The following ABCA13 variants were observed in gnomAD, a reference collection of about 807,000 sequenced individuals.
ABCA13 encodes the protein ATP-binding cassette sub-family A member 13.
ABCA13 carries 476 observed loss-of-function variants against 478.7 expected under a neutral mutation model. That is an observed-to-expected ratio of 0.99 (90% CI 0.92 to 1.07). The LOEUF is 1.07. ABCA13 is among the 50% of genes least tolerant of loss of function. The probability of loss-of-function intolerance (pLI) is 0.00; values close to 1 mark genes in which losing one functional copy is unlikely to be tolerated. For synonymous variants in ABCA13, 2,252 were observed against 2,158.9 expected (o/e 1.04, Z -1.20); for missense variants, 6,060 against 5,910.6 (o/e 1.03, Z -0.83).
chr7:48,602,615 C>G (rs541393382), intron 58 of ABCA13, among the ~76,000 whole-genome samples: 1 of 152,144 alleles, frequency 6.6e-6, no homozygotes, highest in Non-Finnish European at 1.5e-5. Flanking sequence ...CATGCTGTTT[C>G]TGTTACCATA....
chr7:48,183,987 T>C (rs1267553664), intron 1 of ABCA13, among the ~76,000 whole-genome samples: 3 of 152,244 alleles, frequency 2.0e-5, no homozygotes, highest in South Asian at 4.1e-4. Flanking sequence ...AGAATTAATA[T>C]GGTTCAATTT....
At chr7:48,259,348 A>G (rs547536680) in intron 15 of ABCA13, among the ~76,000 whole-genome samples, 2 of 152,210 alleles carry the variant, frequency 1.3e-5, no homozygotes, top group African/African-American at 2.4e-5. Context: ...CTTTACCATT[A>G]TGTAATGCCC....
chr7:48,556,900 T>A (rs1785891985), intron 55 of ABCA13, among the ~76,000 whole-genome samples: 1 of 152,024 alleles, frequency 6.6e-6, no homozygotes, highest in Non-Finnish European at 1.5e-5. Context: ...TTATTGAAGA[T>A]GATTTTCTCT....
intron 23 of ABCA13, among the ~76,000 whole-genome samples, chr7:48,298,851 C>T (rs561814419): frequency 1.3e-5 from 2 of 152,222 alleles, no homozygotes; most frequent in East Asian, 3.9e-4. Context: ...TACCCAAAAC[C>T]AAAAACAGCT....
At chr7:48,262,353 A>C (rs1357005954) in intron 15 of ABCA13, among the ~76,000 whole-genome samples, 1 of 151,820 alleles carries the variant, frequency 6.6e-6, no homozygotes, top group Non-Finnish European at 1.5e-5. Flanking sequence ...AATTTTATCT[A>C]AACCCATCTG....
chr7:48,206,861 T>C (rs1053575121), intron 3 of ABCA13, among the ~76,000 whole-genome samples: 4 of 152,072 alleles, frequency 2.6e-5, no homozygotes, highest in African/African-American at 4.8e-5. Flanking sequence ...TAATAAATTA[T>C]TGTTATCTAT....
intron 7 of ABCA13, among the ~76,000 whole-genome samples, chr7:48,232,277 G>T (rs748357273): frequency 6.6e-6 from 1 of 151,104 alleles, no homozygotes; most frequent in South Asian, 2.1e-4. Context: ...GGTGGGGTGC[G>T]AGATGAATAA....
At chr7:48,535,911 GGCTGAGAACTTGCCCCA>G (rs1833541385) in intron 55 of ABCA13, among the ~76,000 whole-genome samples, 1 of 152,144 alleles carries the variant, frequency 6.6e-6, no homozygotes, top group African/African-American at 2.4e-5. Context: ...TGGTGACCAG[GGCTGAGAACTTGCCCCA>G]GAGAACTCAG....
intron 3 of ABCA13, among the ~76,000 whole-genome samples, chr7:48,204,014 T>A (rs891255738): frequency 2.6e-5 from 4 of 152,062 alleles, no homozygotes; most frequent in Non-Finnish European, 5.9e-5. Flanking sequence ...CTGCCTCTTT[T>A]CCAACCACCA....
chr7:48,349,167 C>T (rs886601324), intron 29 of ABCA13, among the ~76,000 whole-genome samples: 48 of 152,226 alleles, frequency 3.2e-4, no homozygotes, highest in Admixed American at 3.1e-3. Flanking sequence ...AGTGACACTT[C>T]ACTATTATTG....
At position 48,580,443 on chromosome 7, in the gene ABCA13, C is replaced by T; in HGVS notation, c.14505+69C>T. 6 of 1,490,288 alleles carry T rather than the reference C, an allele frequency of 4.0e-6. No individual in the cohort carries two copies. The South Asian group carries it at 6.2e-5, about 15-fold the overall frequency. 92.3% of individuals were successfully genotyped at this position (1,490,288 alleles called of 1,614,324 possible). On this transcript the variant is annotated intron_variant, in intron 56 of 61. Coordinates refer to ENST00000435803, the MANE Select transcript of ABCA13 (RefSeq NM_152701.5). ...AATGCTTGGTGACCACCTCTGGCTCCAAGGCAGCTCTCTCACCCTATGAGG... is the reference window on the plus strand; with the variant it reads ...AATGCTTGGTGACCACCTCTGGCTCTAAGGCAGCTCTCTCACCCTATGAGG...
At chr7:48,251,636 C>A (rs186035987) in intron 15 of ABCA13, among the ~76,000 whole-genome samples, 1 of 151,710 alleles carries the variant, frequency 6.6e-6, no homozygotes, top group African/African-American at 2.4e-5. Context: ...TATTAAGAAA[C>A]GGAATTTAAA....
chr7:48,414,360 A>T (rs1275045061), intron 41 of ABCA13, among the ~76,000 whole-genome samples: 1 of 151,984 alleles, frequency 6.6e-6, no homozygotes, highest in Non-Finnish European at 1.5e-5. Flanking sequence ...GGACGCTGAG[A>T]TCTGTGAGTG....
At chr7:48,264,457 CTT>C (rs944593106) in intron 15 of ABCA13, among the ~76,000 whole-genome samples, 8 of 151,740 alleles carry the variant, frequency 5.3e-5, no homozygotes, top group African/African-American at 1.9e-4. Context: ...TATGATCAGT[CTT>C]TTAAATTTTA....
chr7:48,426,542 A>G (rs1235070235), intron 41 of ABCA13, among the ~76,000 whole-genome samples: 1 of 152,190 alleles, frequency 6.6e-6, no homozygotes, highest in Non-Finnish European at 1.5e-5. Flanking sequence ...ATATGCAGGT[A>G]TAGGACTTCA....
At chr7:48,283,265 C>T (rs947963956) in intron 19 of ABCA13, among the ~76,000 whole-genome samples, 11 of 152,116 alleles carry the variant, frequency 7.2e-5, no homozygotes, top group Non-Finnish European at 1.2e-4. Context: ...CCAGCATCTA[C>T]TGGGGAGCGG....
chr7:48,188,854 A>G (rs1796705656), intron 1 of ABCA13, among the ~76,000 whole-genome samples: 1 of 152,190 alleles, frequency 6.6e-6, no homozygotes, highest in African/African-American at 2.4e-5. Context: ...GAGGAATGGT[A>G]GTGGAACAGG....
chr7:48,255,091 G>A (rs1333220137), intron 15 of ABCA13, among the ~76,000 whole-genome samples: 1 of 152,108 alleles, frequency 6.6e-6, no homozygotes, highest in Non-Finnish European at 1.5e-5. Flanking sequence ...GGAAGGGTTG[G>A]ACTACAACAA....
At chr7:48,412,331 T>G (rs1819375013) in intron 40 of ABCA13, 22 bp from the exon 41 acceptor site, 4 of 1,580,896 alleles carry the variant, frequency 2.5e-6, no homozygotes, top group Middle Eastern at 1.7e-4. Flanking sequence ...CTGGCTTCTT[T>G]TTTCCTTTTT....
Sources: allele counts gnomAD v4.1 joint callset (sites outside exome capture counted in the v4.1 genomes callset), GRCh38; gene constraint gnomAD v4.1.1; transcripts MANE v1.5; gene names NCBI Gene and HGNC (gene_info 2026-07-23, HGNC 2026-07-21).